Variants in COL23A1 observed in about 807,000 individuals in gnomAD.
COL23A1 encodes the protein collagen type XXIII alpha 1 chain.
In COL23A1, 97 loss-of-function variants were observed where a neutral mutation model predicts 99.3. That is an observed-to-expected ratio of 0.98 (90% CI 0.83 to 1.16). The LOEUF is 1.16. Among genes scored for constraint, COL23A1 ranks in the 50% most tolerant of loss-of-function variants. COL23A1 has a pLI of 0.00. For missense variants in COL23A1, 762 were observed against 757.4 expected (o/e 1.01, Z -0.07); for synonymous variants, 320 against 308.2 (o/e 1.04, Z -0.40).
chr5:178,301,747 A>G (rs1364668992), intron 3 of COL23A1, among the ~76,000 whole-genome samples: 4 of 151,662 alleles, frequency 2.6e-5, no homozygotes, highest in African/African-American at 9.7e-5. Flanking sequence ...AACGTCTCCC[A>G]CTCTGTGCTG....
At chr5:178,283,538 C>T (rs945356040) in intron 5 of COL23A1, among the ~76,000 whole-genome samples, 9 of 152,196 alleles carry the variant, frequency 5.9e-5, no homozygotes, top group African/African-American at 2.2e-4. Context: ...CTCATCACAT[C>T]CTTGTTTTAT....
chr5:178,246,252 A>G lies in COL23A1; in HGVS notation c.1413+2T>C. 1 of 1,553,484 alleles carries G rather than the reference A, an allele frequency of 6.4e-7. No individual in the cohort carries two copies. Among genetic ancestry groups the G allele is most frequent in the Non-Finnish European group, 8.7e-7 (1 of 1,147,760 alleles). On this transcript the variant is annotated splice_donor_variant, in intron 24 of 28. Coordinates refer to ENST00000390654, the MANE Select transcript of COL23A1 (RefSeq NM_173465.4). LOFTEE classifies it high-confidence loss of function. Reference sequence around the variant, plus strand: ...AGAGGGAGTTCCGAATGAGGCGGTTACCTTCTCTCCTTTGGTTCCTGGCAG... The same window carrying G: ...AGAGGGAGTTCCGAATGAGGCGGTTGCCTTCTCTCCTTTGGTTCCTGGCAG...
At chr5:178,351,092 T>C (rs572831219) in intron 2 of COL23A1, 6 of 152,184 alleles carry the variant, frequency 3.9e-5, no homozygotes, top group East Asian at 1.9e-4. Context: ...CCACTGACTG[T>C]CCCCGCGGGG....
At chr5:178,345,414 G>T in intron 2 of COL23A1, 1 of 327,610 alleles carries the variant, frequency 3.1e-6, no homozygotes, top group Non-Finnish European at 5.9e-6. Context: ...TACCAGAACT[G>T]TTCTCTAAAC....
chr5:178,301,559 C>T (rs73804781), intron 3 of COL23A1, among the ~76,000 whole-genome samples: 2,654 of 152,344 alleles, frequency 0.017, 76 homozygotes, highest in African/African-American at 0.058. Context: ...AATCAGATCC[C>T]TCTTCTCCTT....
intron 2 of COL23A1, among the ~76,000 whole-genome samples, chr5:178,354,359 C>T (rs1033623577): frequency 2.5e-4 from 38 of 152,146 alleles, no homozygotes; most frequent in Non-Finnish European, 5.9e-5. Flanking sequence ...CAGGCACATG[C>T]CACCATGCCC....
At chr5:178,570,765 C>A (rs935179257) in intron 1 of COL23A1, among the ~76,000 whole-genome samples, 1 of 152,072 alleles carries the variant, frequency 6.6e-6, no homozygotes, top group Non-Finnish European at 1.5e-5. Context: ...AGGGGGGACG[C>A]GGGTGGTGCC....
Position 178,262,269 on chromosome 5 carries a change from G to A in COL23A1, c.640-17C>T. 6.3e-7 allele frequency: 1 copy of A among 1,575,738 alleles called. No individual in the cohort carries two copies. Among genetic ancestry groups the A allele is most frequent in the Non-Finnish European group, 8.6e-7 (1 of 1,159,898 alleles). On this transcript the variant is annotated splice_polypyrimidine_tract_variant and intron_variant, in intron 9 of 28. Coordinates refer to ENST00000390654, the MANE Select transcript of COL23A1 (RefSeq NM_173465.4). The stretch of plus-strand genomic sequence containing the variant: ...TTTGGGGCCCTGCGGAAGTGTGAGG[G>A]GACAGCAGTGAAGGATGCAGGATGT...
chr5:178,341,415 G>A (rs1037506172), intron 2 of COL23A1, among the ~76,000 whole-genome samples: 1 of 152,174 alleles, frequency 6.6e-6, no homozygotes, highest in Non-Finnish European at 1.5e-5. Context: ...GCCCTCTCCC[G>A]GACCCCTGCT....
At chr5:178,341,029 C>A (rs966686298) in intron 2 of COL23A1, among the ~76,000 whole-genome samples, 19 of 152,190 alleles carry the variant, frequency 1.2e-4, no homozygotes, top group African/African-American at 4.6e-4. Context: ...TGAGCTGAGA[C>A]AATTGGGCTG....
intron 2 of COL23A1, among the ~76,000 whole-genome samples, chr5:178,471,573 T>G (rs1315761830): frequency 2.6e-5 from 4 of 152,080 alleles, no homozygotes; most frequent in Admixed American, 2.6e-4. Context: ...GTGAAACATC[T>G]CTGGGCCTTG....
Position 178,306,941 on chromosome 5 carries a change from C to T in COL23A1, c.362-22G>A. The T allele has an allele frequency of 1.3e-6, 2 of 1,495,710 alleles. No homozygotes were observed. Among genetic ancestry groups the T allele is most frequent in the Non-Finnish European group, 1.8e-6 (2 of 1,121,488 alleles). 92.7% of individuals were successfully genotyped at this position (1,495,710 alleles called of 1,614,324 possible). A position where few individuals can be genotyped will look rare whatever the true frequency, so the allele number is the denominator to read the frequency against. ...GGCCCTAGACAGGAAAACAAGAATG[C>T]ATTCATTGAGAAGGGAAGCCAGTGG... On this transcript the variant is annotated intron_variant, in intron 2 of 28. Coordinates refer to ENST00000390654, the MANE Select transcript of COL23A1 (RefSeq NM_173465.4). This position sits in a 1 kb window ranked among gnomAD's most constrained non-coding sequence, Gnocchi z 4.1.
At chr5:178,245,209 CATCT>C (rs1764613195) in intron 25 of COL23A1, among the ~76,000 whole-genome samples, 1 of 147,160 alleles carries the variant, frequency 6.8e-6, no homozygotes, top group Non-Finnish European at 1.5e-5. Flanking sequence ...ATTCACTCAT[CATCT>C]ATCATCCATC....
At chr5:178,263,131 G>C in intron 9 of COL23A1, 77 bp downstream of exon 9, 1 of 1,026,374 alleles carries the variant, frequency 9.7e-7, no homozygotes, top group Non-Finnish European at 1.6e-6. Flanking sequence ...ATGGGGATGG[G>C]GATGGGGCTG....
intron 2 of COL23A1, among the ~76,000 whole-genome samples, chr5:178,391,448 TAAAC>T (rs1188102338): frequency 6.6e-6 from 1 of 152,154 alleles, no homozygotes; most frequent in Non-Finnish European, 1.5e-5. Context: ...CCAAAGAAGA[TAAAC>T]AAATAGTTAC....
intron 1 of COL23A1, among the ~76,000 whole-genome samples, chr5:178,576,050 T>C (rs1044822772): frequency 2.0e-5 from 3 of 152,216 alleles, no homozygotes; most frequent in South Asian, 2.1e-4. Context: ...GCAGTGCTTT[T>C]GGCAGTCCCT....
intron 1 of COL23A1, among the ~76,000 whole-genome samples, chr5:178,581,137 A>T (rs1763639980): frequency 6.6e-6 from 1 of 152,238 alleles, no homozygotes; most frequent in South Asian, 2.1e-4. Context: ...TCCAACTGAA[A>T]TTAAAAATTC....
intron 1 of COL23A1, among the ~76,000 whole-genome samples, chr5:178,578,087 A>T (rs546329480): frequency 4.0e-5 from 6 of 150,432 alleles, no homozygotes; most frequent in Non-Finnish European, 8.8e-5. Context: ...ATGCACACAC[A>T]CATGCATGCA....
At chr5:178,558,698 A>G (rs1230339889) in intron 2 of COL23A1, among the ~76,000 whole-genome samples, 1 of 152,204 alleles carries the variant, frequency 6.6e-6, no homozygotes, top group African/African-American at 2.4e-5. Context: ...AGGGGAGCGA[A>G]AAAGAAGGAC....
Sources: gnomAD v4.1 joint callset for allele counts (sites outside exome capture counted in the v4.1 genomes callset) on GRCh38, gnomAD v4.1.1 for gene constraint, Gnocchi (gnomAD v3.1) non-coding constraint, MANE v1.5 for transcripts, NCBI Gene and HGNC (gene_info 2026-07-23, HGNC 2026-07-21) for gene names.